PALLD: variants seen among roughly 807,000 people sequenced by gnomAD.
PALLD encodes the protein palladin, cytoskeletal associated protein.
PALLD carries 61 observed loss-of-function variants against 123.5 expected under a neutral mutation model. That is an observed-to-expected ratio of 0.49 (90% confidence interval 0.40 to 0.61). The LOEUF (loss-of-function observed/expected upper bound fraction) is 0.61. Among genes scored for constraint, PALLD ranks in the 20% least tolerant of loss-of-function variants. The pLI, the probability that PALLD is intolerant of heterozygous loss-of-function variation, is 0.00. For missense variants in PALLD, 1,273 were observed against 1,377.0 expected (o/e 0.92, Z 1.20); for synonymous variants, 465 against 496.4 (o/e 0.94, Z 0.84).
At chr4:168,628,003 AC>A (rs1775461839) in intron 2 of PALLD, among the ~76,000 whole-genome samples, 1 of 152,232 alleles carries the variant, frequency 6.6e-6, no homozygotes, top group Non-Finnish European at 1.5e-5. Flanking sequence ...GGAAACAAGC[AC>A]CATTTAACAT....
At chr4:168,568,846 T>C (rs1478906773) in intron 2 of PALLD, among the ~76,000 whole-genome samples, 1 of 151,662 alleles carries the variant, frequency 6.6e-6, no homozygotes, top group Non-Finnish European at 1.5e-5. Context: ...TACCATGGAA[T>C]GCTTTAAATA....
intron 2 of PALLD, among the ~76,000 whole-genome samples, chr4:168,558,147 C>G (rs1304816621): frequency 2.0e-5 from 3 of 152,186 alleles, no homozygotes; most frequent in African/African-American, 7.2e-5. Context: ...CACCTCTCAC[C>G]CCTACGGGCT....
chr4:168,765,912 C>T (rs1228365974), intron 10 of PALLD, among the ~76,000 whole-genome samples: 1 of 152,198 alleles, frequency 6.6e-6, no homozygotes, highest in African/African-American at 2.4e-5. Flanking sequence ...GAGGGTGTGT[C>T]TTTCTTGGCA....
chr4:168,765,380 G>A (rs573073678), intron 10 of PALLD, among the ~76,000 whole-genome samples: 7 of 152,250 alleles, frequency 4.6e-5, no homozygotes, highest in South Asian at 4.1e-4. Flanking sequence ...GAACTGCTGC[G>A]TTTTATAGGG....
chr4:168,816,388 T>C (rs1447088499), intron 10 of PALLD, among the ~76,000 whole-genome samples: 1 of 95,460 alleles, frequency 1.0e-5, no homozygotes, highest in East Asian at 2.6e-4. Flanking sequence ...TGTGTATGTG[T>C]GTATATATAT....
chr4:168,885,319 G>C (rs188996150), intron 10 of PALLD: 1 of 152,046 alleles, frequency 6.6e-6, no homozygotes, highest in Non-Finnish European at 1.5e-5. Flanking sequence ...TTTAGGATGT[G>C]GGGGGGTCTT....
chr4:168,811,747 CTCTCTCTCTT>C (rs1476699394), intron 10 of PALLD, among the ~76,000 whole-genome samples: 6 of 139,686 alleles, frequency 4.3e-5, no homozygotes, highest in African/African-American at 1.7e-4. Context: ...GTCTCTCTTT[CTCTCTCTCTT>C]TCTCTCTCTC....
At chr4:168,658,222 A>G (rs1164443835) in intron 2 of PALLD, among the ~76,000 whole-genome samples, 2 of 151,296 alleles carry the variant, frequency 1.3e-5, no homozygotes, top group Non-Finnish European at 2.9e-5. Flanking sequence ...ACAGATATTT[A>G]GTAGATTTCA....
chr4:168,767,606 G>A (rs377334351), intron 10 of PALLD, among the ~76,000 whole-genome samples: 2 of 150,116 alleles, frequency 1.3e-5, no homozygotes, highest in East Asian at 2.0e-4. Context: ...GGCCTGCAGT[G>A]GCGCGATCTC....
chr4:168,650,105 C>T (rs902738116), intron 2 of PALLD, among the ~76,000 whole-genome samples: 2 of 151,880 alleles, frequency 1.3e-5, no homozygotes, highest in East Asian at 1.9e-4. Context: ...ACCCAGGAGG[C>T]GGAGGTTGCA....
intron 2 of PALLD, among the ~76,000 whole-genome samples, chr4:168,635,171 G>A (rs1776218440): frequency 6.6e-6 from 1 of 152,178 alleles, no homozygotes; most frequent in Non-Finnish European, 1.5e-5. Flanking sequence ...TACTGACAGT[G>A]TATCCATGTC....
At chr4:168,781,941 GA>G (rs796164121) in intron 10 of PALLD, among the ~76,000 whole-genome samples, 24 of 147,500 alleles carry the variant, frequency 1.6e-4, no homozygotes, top group African/African-American at 5.2e-4. Flanking sequence ...TTTGATAAAA[GA>G]AAAAAAAAAC....
chr4:168,610,749 A>T (rs181425702), intron 2 of PALLD, among the ~76,000 whole-genome samples: 15 of 151,812 alleles, frequency 9.9e-5, no homozygotes, highest in Non-Finnish European at 1.9e-4. Context: ...TAGTTTTTCC[A>T]GTAACTCTGG....
intron 2 of PALLD, among the ~76,000 whole-genome samples, chr4:168,562,274 T>G (rs1043398079): frequency 5.3e-5 from 8 of 152,208 alleles, no homozygotes; most frequent in Admixed American, 1.3e-4. Context: ...TTACATATAT[T>G]ATTTCTAAAC....
At chr4:168,637,694 A>G (rs1460065127) in intron 2 of PALLD, among the ~76,000 whole-genome samples, 1 of 152,186 alleles carries the variant, frequency 6.6e-6, no homozygotes, top group Non-Finnish European at 1.5e-5. Context: ...CTGTAATCCT[A>G]GCACTTTGGG....
chr4:168,820,696 A>G (rs1045025925), intron 10 of PALLD, among the ~76,000 whole-genome samples: 1 of 152,054 alleles, frequency 6.6e-6, no homozygotes. Flanking sequence ...TCCCAAGCAG[A>G]TGACAATTCT....
intron 10 of PALLD, among the ~76,000 whole-genome samples, chr4:168,833,917 G>C (rs973321005): frequency 4.7e-5 from 7 of 149,088 alleles, no homozygotes; most frequent in African/African-American, 1.7e-4. Flanking sequence ...TTTATAACTT[G>C]AGGGAGGCAG....
At chr4:168,513,272 T>C (rs1762696015) in intron 2 of PALLD, among the ~76,000 whole-genome samples, 1 of 152,152 alleles carries the variant, frequency 6.6e-6, no homozygotes, top group Non-Finnish European at 1.5e-5. Flanking sequence ...TCCGCAGGTC[T>C]GCCCGTTATT....
chr4:168,540,591 T>A (rs892491277), intron 2 of PALLD, among the ~76,000 whole-genome samples: 8 of 152,184 alleles, frequency 5.3e-5, no homozygotes, highest in African/African-American at 7.2e-5. Context: ...CGCATTTTTT[T>A]AAAAAAAGAG....
Sources: allele counts gnomAD v4.1 joint callset (sites outside exome capture counted in the v4.1 genomes callset), GRCh38; gene constraint gnomAD v4.1.1; transcripts MANE v1.5; gene names NCBI Gene and HGNC (gene_info 2026-07-23, HGNC 2026-07-21).